The following BTBD9 variants were observed in gnomAD, a reference collection of about 807,000 sequenced individuals.
The protein encoded by BTBD9 is BTB/POZ domain-containing protein 9.
Under a neutral mutation model 64.3 loss-of-function variants are expected in BTBD9, and 49 were observed. That is an observed-to-expected ratio of 0.76 (90% CI 0.61 to 0.97). BTBD9 has a LOEUF of 0.97. Among genes scored for constraint, BTBD9 ranks in the 50% least tolerant of loss-of-function variants. BTBD9 has a pLI of 0.00. For synonymous variants in BTBD9, 260 were observed against 274.7 expected (o/e 0.95, Z 0.53); for missense variants, 598 against 762.1 (o/e 0.78, Z 2.53).
Position 38,345,024 on chromosome 6 carries a change from C to T in BTBD9, c.1224G>A (p.Met408Ile). 1.2e-6 allele frequency: 2 copies of T among 1,610,250 alleles called. No individual in the cohort carries two copies. Among genetic ancestry groups the T allele is most frequent in the Non-Finnish European group, 1.7e-6 (2 of 1,177,396 alleles). Residue 408 changes from methionine to isoleucine, a missense_variant, in exon 7 of 11, where the codon ATG becomes ATA. Met to Ile is a conservative substitution (Grantham distance 10, BLOSUM62 1). Transcript: ENST00000481247. The part of the protein sequence containing the change: ...KIFHIVAFEC[M>I]FTNKTFTLEK... ...CAAGAGTGAAGGTTTTGTTTGTAAA[C>T]ATACATTCAAAAGCCACAATGTGAA...
At chr6:38,411,709 G>C (rs1434394961) in intron 6 of BTBD9, among the ~76,000 whole-genome samples, 2 of 152,232 alleles carry the variant, frequency 1.3e-5, no homozygotes, top group African/African-American at 4.8e-5. Context: ...GCCAAGGCGG[G>C]CAGATTACTT....
chr6:38,567,309 A>T (rs1449960455), intron 6 of BTBD9, among the ~76,000 whole-genome samples: 1 of 152,230 alleles, frequency 6.6e-6, no homozygotes, highest in East Asian at 1.9e-4. Context: ...AATTTCTATG[A>T]CTATTAGAAA....
chr6:38,515,804 A>AAAGC (rs1773000372), intron 6 of BTBD9, among the ~76,000 whole-genome samples: 1 of 152,202 alleles, frequency 6.6e-6, no homozygotes, highest in Non-Finnish European at 1.5e-5. Flanking sequence ...TTACACATGA[A>AAAGC]AAGCACAGAA....
At chr6:38,637,090 T>C (rs1778553057) in intron 1 of BTBD9, among the ~76,000 whole-genome samples, 1 of 152,154 alleles carries the variant, frequency 6.6e-6, no homozygotes, top group Non-Finnish European at 1.5e-5. Flanking sequence ...TCCATCCCCT[T>C]CTTCTCAACA....
intron 10 of BTBD9, among the ~76,000 whole-genome samples, chr6:38,176,353 A>G (rs559661984): frequency 1.3e-5 from 2 of 152,292 alleles, no homozygotes; most frequent in Middle Eastern, 6.8e-3. Context: ...CAATTCATTT[A>G]TTGACCACTG....
chr6:38,440,333 A>G (rs1481697110), intron 6 of BTBD9, among the ~76,000 whole-genome samples: 1 of 152,202 alleles, frequency 6.6e-6, no homozygotes, highest in Non-Finnish European at 1.5e-5. Context: ...AAACCAGAGA[A>G]GAGAGGTGTC....
chr6:38,414,393 T>G (rs1201810492), intron 6 of BTBD9, among the ~76,000 whole-genome samples: 1 of 152,186 alleles, frequency 6.6e-6, no homozygotes, highest in Non-Finnish European at 1.5e-5. Context: ...CCAATAAATT[T>G]TACTCATTCT....
chr6:38,195,604 G>A lies in BTBD9; in HGVS notation c.1563-3007C>T, dbSNP rs1027978190. 3.9e-5 allele frequency among the ~76,000 whole-genome samples: 6 copies of A among 152,122 alleles called. No individual in the cohort carries two copies. In the South Asian group the frequency reaches 6.2e-4, roughly 16 times the overall value. On this transcript the variant is annotated intron_variant, in intron 9 of 10. Transcript: ENST00000481247. ...GACTGGATGAACCGTTACCCTCTCC[G>A]GAATGCTGACAGAAATAACACCAGT...
intron 8 of BTBD9, among the ~76,000 whole-genome samples, chr6:38,270,850 G>A (rs1765175568): frequency 6.6e-6 from 1 of 152,170 alleles, no homozygotes; most frequent in Non-Finnish European, 1.5e-5. Flanking sequence ...ATGAATAGCA[G>A]TAGTTTCAGA....
intron 10 of BTBD9, among the ~76,000 whole-genome samples, chr6:38,177,017 T>G (rs1761293043): frequency 6.6e-6 from 1 of 152,196 alleles, no homozygotes; most frequent in Admixed American, 6.5e-5. Context: ...CAGAGCCATA[T>G]TCTGTTCCCA....
intron 1 of BTBD9, among the ~76,000 whole-genome samples, chr6:38,599,845 G>T (rs911425196): frequency 6.6e-6 from 1 of 152,178 alleles, no homozygotes; most frequent in Non-Finnish European, 1.5e-5. Context: ...CAATAGCAGC[G>T]ATGCAGAAGA....
At chr6:38,611,138 G>A (rs991336096) in intron 1 of BTBD9, among the ~76,000 whole-genome samples, 2 of 151,990 alleles carry the variant, frequency 1.3e-5, no homozygotes, top group African/African-American at 2.4e-5. Flanking sequence ...ATACATATAC[G>A]TATATGTACA....
At chr6:38,273,856 C>T (rs923411510) in intron 8 of BTBD9, among the ~76,000 whole-genome samples, 3 of 152,180 alleles carry the variant, frequency 2.0e-5, no homozygotes, top group Non-Finnish European at 4.4e-5. Context: ...TGGAGGAGAG[C>T]GAATTACAAA....
intron 10 of BTBD9, among the ~76,000 whole-genome samples, chr6:38,190,996 A>C (rs1025605118): frequency 2.0e-5 from 3 of 152,270 alleles, no homozygotes; most frequent in Non-Finnish European, 2.9e-5. Flanking sequence ...TATAAAAAGC[A>C]AGAACTGCAA....
intron 7 of BTBD9, among the ~76,000 whole-genome samples, chr6:38,304,971 G>A (rs765512877): frequency 6.6e-6 from 1 of 151,860 alleles, no homozygotes; most frequent in Non-Finnish European, 1.5e-5. Flanking sequence ...TTTCATAAGG[G>A]CAGGAACTTT....
At chr6:38,416,205 G>A (rs2127267331) in intron 6 of BTBD9, among the ~76,000 whole-genome samples, 1 of 152,280 alleles carries the variant, frequency 6.6e-6, no homozygotes, top group Non-Finnish European at 1.5e-5. Context: ...ACAGATAGAT[G>A]TTGAGTTGTA....
intron 7 of BTBD9, among the ~76,000 whole-genome samples, chr6:38,311,017 G>A (rs915417929): frequency 6.6e-6 from 1 of 152,112 alleles, no homozygotes; most frequent in Non-Finnish European, 1.5e-5. Context: ...CACCATGTTG[G>A]CCAGGCTGGT....
intron 7 of BTBD9, among the ~76,000 whole-genome samples, chr6:38,320,331 T>C (rs1390399657): frequency 6.6e-6 from 1 of 152,240 alleles, no homozygotes; most frequent in Admixed American, 6.5e-5. Context: ...TGGAGGCTTC[T>C]ATTTGGCCAT....
At chr6:38,247,938 A>AT (rs889148532) in intron 9 of BTBD9, among the ~76,000 whole-genome samples, 24 of 151,214 alleles carry the variant, frequency 1.6e-4, no homozygotes, top group South Asian at 4.2e-4. Flanking sequence ...CAAAAAAAAA[A>AT]TTTTTTTTTT....
Sources: allele counts gnomAD v4.1 joint callset (sites outside exome capture counted in the v4.1 genomes callset), GRCh38; gene constraint gnomAD v4.1.1; transcripts MANE v1.5; gene names NCBI Gene and HGNC (gene_info 2026-07-23, HGNC 2026-07-21).